Variants in CFAP299 observed in about 807,000 individuals in gnomAD.
CFAP299 encodes cilia and flagella associated protein 299, also known as cilia- and flagella-associated protein 299.
CFAP299 carries 21 observed loss-of-function variants against 27.0 expected under a neutral mutation model. The observed-to-expected ratio is 0.78, with a 90% confidence interval of 0.55 to 1.12. The LOEUF (loss-of-function observed/expected upper bound fraction) is 1.12, where lower values mean the gene tolerates loss of function less well. Ranked by LOEUF, CFAP299 falls within the 50% of genes most tolerant of loss-of-function variation. The pLI is 0.00. For synonymous variants in CFAP299, 104 were observed against 98.1 expected (o/e 1.06, Z -0.36); for missense variants, 310 against 276.6 (o/e 1.12, Z -0.86).
chr4:80,904,712 A>G (rs1404692347), intron 4 of CFAP299, among the ~76,000 whole-genome samples: 1 of 152,164 alleles, frequency 6.6e-6, no homozygotes, highest in Non-Finnish European at 1.5e-5. Flanking sequence ...CTCATGGTTC[A>G]GCCTAGCTTT....
rs113207453 is a variant in CFAP299, at chr4:80,822,919, T to TC, written c.334-47073dup. Among the ~76,000 whole-genome samples, 435 of 152,344 alleles carry TC rather than the reference T, an allele frequency of 2.9e-3. 1 individual carries two copies. The highest frequency in any genetic ancestry group is 9.6e-3 in the African/African-American group (398 of 41,582). On this transcript the variant is annotated intron_variant, in intron 3 of 5. Coordinates refer to ENST00000358105, the MANE Select transcript of CFAP299 (RefSeq NM_152770.3). ...TATTTTGTTTTTGTCTCTTTTTTTT[T>TC]CTTGTTACCAAAGTGCATCTTTCTG...
intron 2 of CFAP299, among the ~76,000 whole-genome samples, chr4:80,465,160 T>C (rs1427213871): frequency 6.6e-6 from 1 of 152,174 alleles, no homozygotes; most frequent in East Asian, 1.9e-4. Flanking sequence ...TCATTGTATG[T>C]ATTCAACCTG....
chr4:80,706,988 C>T (rs901429903), intron 3 of CFAP299, among the ~76,000 whole-genome samples: 1 of 151,904 alleles, frequency 6.6e-6, no homozygotes, highest in Non-Finnish European at 1.5e-5. Context: ...GGAACACTGC[C>T]TCAAGTTGCC....
At chr4:80,831,373 G>A (rs1730290880) in intron 3 of CFAP299, among the ~76,000 whole-genome samples, 2 of 152,110 alleles carry the variant, frequency 1.3e-5, no homozygotes, top group South Asian at 4.1e-4. Context: ...AGAATCACCT[G>A]TAGCATCACC....
chr4:80,923,140 C>G (rs556148488), intron 4 of CFAP299, among the ~76,000 whole-genome samples: 1 of 151,974 alleles, frequency 6.6e-6, no homozygotes, highest in Non-Finnish European at 1.5e-5. Context: ...ATGGTTGTTA[C>G]GGGCTTTGCC....
rs562270072 is a variant in CFAP299, at chr4:80,606,703, A to G, written c.333+23520A>G. Among the ~76,000 whole-genome samples the G allele has an allele frequency of 8.5e-5, 13 of 152,262 alleles. No individual in the cohort carries two copies. In the South Asian group the frequency reaches 2.3e-3, roughly 27 times the overall value. ...TGGCTTGCTCTTTTCATATAACAAC[A>G]TACCTGAATTAGTTTGTGATATAAG... is the stretch of plus-strand genomic sequence containing the variant. On this transcript the variant is annotated intron_variant, in intron 3 of 5. Coordinates refer to ENST00000358105, the MANE Select transcript of CFAP299 (RefSeq NM_152770.3).
chr4:80,931,864 C>T (rs1736639761), intron 4 of CFAP299, among the ~76,000 whole-genome samples: 1 of 152,144 alleles, frequency 6.6e-6, no homozygotes. Flanking sequence ...TGTACCTTCC[C>T]TGAGAGGAAA....
At chr4:80,775,916 T>C (rs1726510704) in intron 3 of CFAP299, among the ~76,000 whole-genome samples, 1 of 152,132 alleles carries the variant, frequency 6.6e-6, no homozygotes, top group Non-Finnish European at 1.5e-5. Flanking sequence ...AAAATAAATA[T>C]GACAATTTGA....
intron 3 of CFAP299, among the ~76,000 whole-genome samples, chr4:80,652,988 A>C (rs1365135889): frequency 6.6e-6 from 1 of 152,136 alleles, no homozygotes; most frequent in Non-Finnish European, 1.5e-5. Context: ...AGCTGTTAAT[A>C]AAAGAAGTAG....
intron 2 of CFAP299, among the ~76,000 whole-genome samples, chr4:80,569,305 G>T (rs1735464570): frequency 6.6e-6 from 1 of 152,032 alleles, no homozygotes; most frequent in Non-Finnish European, 1.5e-5. Context: ...AGTTTGGCTT[G>T]GGTGTTCAGG....
intron 3 of CFAP299, among the ~76,000 whole-genome samples, chr4:80,603,066 A>G (rs192522484): frequency 6.6e-6 from 1 of 152,298 alleles, no homozygotes; most frequent in East Asian, 1.9e-4. Flanking sequence ...AGGATAAAGA[A>G]GATCTCTAAG....
chr4:80,870,046 C>T lies in CFAP299; in HGVS notation c.387C>T (p.Tyr129=), dbSNP rs1166185155. ...RNSHGQEISG[Y]IDYAHRLKTE... Reference sequence around the variant, plus strand: ...CTCATGGGCAAGAGATATCAGGATACATCGACTATGCCCACAGGCTAAAGA... The same window carrying T: ...CTCATGGGCAAGAGATATCAGGATATATCGACTATGCCCACAGGCTAAAGA... The change falls in exon 4 of 6, where the codon TAC becomes TAT. Residue 129 remains tyrosine (Y), a synonymous_variant. Transcript: ENST00000358105. 1 of 1,613,666 alleles carries T rather than the reference C, an allele frequency of 6.2e-7. No homozygotes were observed. The highest frequency in any genetic ancestry group is 1.7e-5 in the Admixed American group (1 of 59,998).
chr4:80,808,339 G>A (rs939960426), intron 3 of CFAP299, among the ~76,000 whole-genome samples: 6 of 152,084 alleles, frequency 3.9e-5, no homozygotes, highest in Non-Finnish European at 8.8e-5. Context: ...CAAACTTTTT[G>A]AGAAGATTTA....
intron 3 of CFAP299, among the ~76,000 whole-genome samples, chr4:80,815,382 C>G (rs977069917): frequency 6.6e-6 from 1 of 151,704 alleles, no homozygotes; most frequent in Non-Finnish European, 1.5e-5. Context: ...AGAGTAAAGT[C>G]TCAGAAAGTT....
At chr4:80,809,757 C>G (rs1435113292) in intron 3 of CFAP299, among the ~76,000 whole-genome samples, 1 of 152,082 alleles carries the variant, frequency 6.6e-6, no homozygotes, top group East Asian at 1.9e-4. Flanking sequence ...GTTTCCTTAC[C>G]TGGCTGTCCC....
At chr4:80,836,309 TA>T (rs992731733) in intron 3 of CFAP299, among the ~76,000 whole-genome samples, 1 of 152,050 alleles carries the variant, frequency 6.6e-6, no homozygotes, top group Non-Finnish European at 1.5e-5. Context: ...GTTAGCAGCT[TA>T]AAAAAAACAC....
intron 2 of CFAP299, among the ~76,000 whole-genome samples, chr4:80,544,704 A>G (rs992169893): frequency 6.6e-6 from 1 of 152,222 alleles, no homozygotes; most frequent in African/African-American, 2.4e-5. Flanking sequence ...CGGAGCACCC[A>G]GATTCATAAA....
intron 3 of CFAP299, among the ~76,000 whole-genome samples, chr4:80,621,308 AAGTATC>A: frequency 6.6e-6 from 1 of 152,278 alleles, no homozygotes; most frequent in Non-Finnish European, 1.5e-5. Flanking sequence ...ATGAATGATT[AAGTATC>A]AGATTTAAAG....
At chr4:80,325,398 T>C in the CFAP299 span, among the ~76,000 whole-genome samples, 1 of 152,254 alleles carries the variant, frequency 6.6e-6, no homozygotes, top group South Asian at 2.1e-4. Flanking sequence ...TAATACATTC[T>C]GAGATATCAG....
Sources: allele counts gnomAD v4.1 joint callset (sites outside exome capture counted in the v4.1 genomes callset), GRCh38; gene constraint gnomAD v4.1.1; transcripts MANE v1.5; gene names NCBI Gene and HGNC (gene_info 2026-07-23, HGNC 2026-07-21).